The following SAV1 variants were observed in gnomAD, a reference collection of about 807,000 sequenced individuals.
The protein encoded by SAV1 is protein salvador homolog 1.
A neutral mutation model predicts 47.3 loss-of-function variants in SAV1; 23 were observed. That is an observed-to-expected ratio of 0.49 (90% CI 0.35 to 0.69). The LOEUF (loss-of-function observed/expected upper bound fraction) is 0.69, where lower values mean the gene tolerates loss of function less well. SAV1 is among the 30% of genes least tolerant of loss of function. The pLI, the probability that SAV1 is intolerant of heterozygous loss-of-function variation, is 0.01. For missense variants in SAV1, 448 were observed against 457.4 expected (o/e 0.98, Z 0.19); for synonymous variants, 155 against 159.2 (o/e 0.97, Z 0.20).
intron 2 of SAV1, among the ~76,000 whole-genome samples, chr14:50,656,165 T>C (rs369280533): frequency 8.5e-5 from 13 of 152,336 alleles, no homozygotes; most frequent in East Asian, 7.7e-4. Flanking sequence ...TAGAACCACA[T>C]GTACTCTTAC....
intron 1 of SAV1, chr14:50,667,519 T>TC: frequency 4.2e-6 from 2 of 473,548 alleles, no homozygotes; most frequent in Middle Eastern, 6.3e-4. Flanking sequence ...GTAAAAAGTG[T>TC]CCCTGTCTAA....
At chr14:50,648,157 C>T (rs1324263634) in intron 2 of SAV1, among the ~76,000 whole-genome samples, 1 of 152,170 alleles carries the variant, frequency 6.6e-6, no homozygotes, top group Non-Finnish European at 1.5e-5. Flanking sequence ...AGATGAATCT[C>T]AGAAGTATCA....
At chr14:50,650,462 A>C (rs1301498017) in intron 2 of SAV1, among the ~76,000 whole-genome samples, 1 of 152,202 alleles carries the variant, frequency 6.6e-6, no homozygotes, top group East Asian at 1.9e-4. Context: ...AGTAAGGTGA[A>C]CCTGGGCCCC....
chr14:50,658,041 A>G (rs2039827914), intron 2 of SAV1, among the ~76,000 whole-genome samples: 1 of 152,146 alleles, frequency 6.6e-6, no homozygotes, highest in South Asian at 2.1e-4. Context: ...CATTATTAGC[A>G]TGTGTTATAA....
intron 2 of SAV1, among the ~76,000 whole-genome samples, chr14:50,652,036 C>T (rs911017583): frequency 2.6e-5 from 4 of 152,160 alleles, no homozygotes; most frequent in African/African-American, 9.7e-5. Flanking sequence ...GTCGATGATA[C>T]TATTTTTAAA....
intron 2 of SAV1, chr14:50,662,797 C>T (rs2039871003): frequency 6.6e-6 from 1 of 152,234 alleles, no homozygotes; most frequent in Non-Finnish European, 1.5e-5. Flanking sequence ...AAGAATAACA[C>T]ATATTCTATA....
intron 4 of SAV1, 61 bp downstream of exon 4, chr14:50,640,689 A>G: frequency 1.3e-6 from 2 of 1,505,594 alleles, no homozygotes; most frequent in Non-Finnish European, 1.8e-6. Context: ...CGAGCAGCCC[A>G]GAGACTCCAT....
At chr14:50,662,057 T>C (rs568214329) in intron 2 of SAV1, among the ~76,000 whole-genome samples, 1 of 152,344 alleles carries the variant, frequency 6.6e-6, no homozygotes, top group East Asian at 1.9e-4. Flanking sequence ...TTGAGCAACA[T>C]GGTCATTTTA....
At chr14:50,666,433 A>AG (rs1321233935) in intron 1 of SAV1, among the ~76,000 whole-genome samples, 1 of 152,244 alleles carries the variant, frequency 6.6e-6, no homozygotes, top group East Asian at 1.9e-4. Flanking sequence ...CTGAATATGC[A>AG]GACCCTCTTA....
chr14:50,637,474 G>T (rs1468872818), intron 4 of SAV1, among the ~76,000 whole-genome samples: 1 of 152,080 alleles, frequency 6.6e-6, no homozygotes, highest in Non-Finnish European at 1.5e-5. Context: ...AGTCAAGATG[G>T]TTACCATTTA....
chr14:50,647,501 C>T (rs2039732147), intron 2 of SAV1, among the ~76,000 whole-genome samples: 1 of 151,912 alleles, frequency 6.6e-6, no homozygotes, highest in Non-Finnish European at 1.5e-5. Context: ...GTCTGTAGCA[C>T]ACTATCATCA....
At chr14:50,640,043 G>A (rs1210951227) in intron 4 of SAV1, among the ~76,000 whole-genome samples, 1 of 152,174 alleles carries the variant, frequency 6.6e-6, no homozygotes, top group Non-Finnish European at 1.5e-5. Context: ...GAGTGCAGTG[G>A]CACAAGCATA....
chr14:50,646,791 A>G (rs1169605808), intron 2 of SAV1, among the ~76,000 whole-genome samples: 1 of 152,220 alleles, frequency 6.6e-6, no homozygotes, highest in Non-Finnish European at 1.5e-5. Flanking sequence ...TAGAGTAGCC[A>G]AAACAATTTT....
At chr14:50,664,314 T>C (rs1261968701) in intron 2 of SAV1, 2 of 152,268 alleles carry the variant, frequency 1.3e-5, no homozygotes, top group Non-Finnish European at 1.5e-5. Context: ...CAAACCATTT[T>C]TAAGTCGCCT....
In SAV1 at chr14:50,635,218, G is replaced by C; in HGVS notation, c.1117C>G (p.Gln373Glu). 2 of 1,614,054 alleles carry C rather than the reference G, an allele frequency of 1.2e-6. No homozygotes were observed. The highest frequency in any genetic ancestry group is 1.7e-6 in the Non-Finnish European group (2 of 1,179,994). The change falls in exon 5 of 5, where the codon CAG becomes GAG. Residue 373 changes from glutamine (Q) to glutamate (E), a missense_variant. Coordinates refer to ENST00000324679, the MANE Select transcript of SAV1 (RefSeq NM_021818.4). ...TELENRKQRQ[Q>E]WYAQQHGKNF ...TTTCCATGTTGTTGGGCATACCACT[G>C]CTGTCTCTGCTTTCGGTTTTCCAAC...
chr14:50,658,172 T>G (rs1251057923), intron 2 of SAV1, among the ~76,000 whole-genome samples: 1 of 152,172 alleles, frequency 6.6e-6, no homozygotes. Context: ...CTCAAAAGAT[T>G]CTGGTTACAC....
Position 50,644,860 on chromosome 14 carries a change from A to T in SAV1, c.690T>A (p.Pro230=). The T allele has an allele frequency of 6.2e-7, 1 of 1,614,170 alleles. No homozygotes were observed. Among genetic ancestry groups the T allele is most frequent in the Non-Finnish European group, 8.5e-7 (1 of 1,180,018 alleles). ...CAGGAGGAAGTCCTTCTCGCTCAAGAGGATGGCTCCAGTGAGTTGTATTTG... is the reference window on the plus strand; with the variant it reads ...CAGGAGGAAGTCCTTCTCGCTCAAGTGGATGGCTCCAGTGAGTTGTATTTG... ...HNTNTTHWSH[P]LEREGLPPGW... Residue 230 remains proline (P), a synonymous_variant, in exon 3 of 5, where the codon CCT becomes CCA. Transcript: ENST00000324679.
intron 1 of SAV1, 104 bp downstream of exon 1, chr14:50,667,770 A>G: frequency 1.2e-6 from 1 of 808,440 alleles, no homozygotes; most frequent in South Asian, 1.6e-5. Context: ...TCACGCGACC[A>G]AGGACGAAGG....
intron 2 of SAV1, among the ~76,000 whole-genome samples, chr14:50,661,144 CAAT>C (rs1566747648): frequency 6.6e-6 from 1 of 152,176 alleles, no homozygotes; most frequent in Non-Finnish European, 1.5e-5. Context: ...GTCTTTTTAA[CAAT>C]AGCCATTCTG....
Sources: gnomAD v4.1 joint callset for allele counts (sites outside exome capture counted in the v4.1 genomes callset) on GRCh38, gnomAD v4.1.1 for gene constraint, MANE v1.5 for transcripts, NCBI Gene and HGNC (gene_info 2026-07-23, HGNC 2026-07-21) for gene names.